Variants in ORAI2 observed in about 807,000 individuals in gnomAD.
The protein encoded by ORAI2 is protein orai-2.
ORAI2 carries 10 observed loss-of-function variants against 16.2 expected under a neutral mutation model. The ratio of observed to expected loss-of-function variants is 0.62; its 90% CI spans 0.38 to 1.04. The LOEUF is 1.04. Ranked by LOEUF, ORAI2 falls within the 50% of genes least tolerant of loss-of-function variation. The pLI is 0.01. For missense variants in ORAI2, 238 were observed against 355.5 expected, an observed-to-expected ratio of 0.67 and a Z score of 2.66; for synonymous variants, 150 against 157.5, an observed-to-expected ratio of 0.95 and a Z score of 0.35.
intron 3 of ORAI2, among the ~76,000 whole-genome samples, chr7:102,441,840 T>A (rs887350110): frequency 1.3e-5 from 2 of 151,978 alleles, no homozygotes; most frequent in Non-Finnish European, 2.9e-5. Context: ...CATAGCGCCA[T>A]CCGGTCAGAT....
At chr7:102,442,976 C>T (rs147751472) in intron 3 of ORAI2, among the ~76,000 whole-genome samples, 2,905 of 150,376 alleles carry the variant, frequency 0.019, 84 homozygotes, top group African/African-American at 0.066. Flanking sequence ...GCCGAGACAG[C>T]GCCACTGCAC....
chr7:102,438,063 G>A (rs557083247), intron 2 of ORAI2, among the ~76,000 whole-genome samples: 285 of 148,972 alleles, frequency 1.9e-3, no homozygotes, highest in African/African-American at 6.5e-3. Flanking sequence ...TTTAAAAAAA[G>A]TAGGCTGGAC....
chr7:102,442,153 C>T (rs1586711916), intron 3 of ORAI2, among the ~76,000 whole-genome samples: 1 of 152,142 alleles, frequency 6.6e-6, no homozygotes, highest in Non-Finnish European at 1.5e-5. Context: ...GGGTGGCTCA[C>T]GCCTGTAATC....
chr7:102,455,158 G>A lies in ORAI2; in HGVS notation c.*8106G>A, dbSNP rs891476437. The A allele has an allele frequency of 6.6e-6, 1 of 152,320 alleles. No homozygotes were observed. The highest frequency in any genetic ancestry group is 1.5e-5 in the Non-Finnish European group (1 of 68,194). 9.4% of individuals were successfully genotyped at this position (152,320 alleles called of 1,614,324 possible). Reference sequence around the variant, plus strand: ...GATTGCGCCACTGCACTCCAGCCTGGGCAACAGAGCAAGACCCTGCCCCGC... The same window carrying A: ...GATTGCGCCACTGCACTCCAGCCTGAGCAACAGAGCAAGACCCTGCCCCGC... On this transcript the variant is annotated 3_prime_UTR_variant, in exon 4 of 4. Coordinates refer to ENST00000495936, the MANE Select transcript of ORAI2 (RefSeq NM_001126340.3).
Position 102,447,013 on chromosome 7 carries a change from C to A in ORAI2, c.726C>A (p.Val242=). Residue 242 remains valine (V), a synonymous_variant, in exon 4 of 4, where the codon GTC becomes GTA. Transcript: ENST00000495936. The part of the protein sequence containing the change: ...REIEELHKLK[V]QLDGHERSLQ... The stretch of plus-strand genomic sequence containing the variant: ...TCGAGGAGCTCCACAAGCTCAAGGT[C>A]CAGCTGGACGGGCATGAGCGCAGCC... 6.4e-7 allele frequency: 1 copy of A among 1,570,182 alleles called. No homozygotes were observed. Among genetic ancestry groups the A allele is most frequent in the East Asian group, 2.4e-5 (1 of 42,278 alleles).
At chr7:102,440,294 C>G (rs972345431) in intron 3 of ORAI2, among the ~76,000 whole-genome samples, 1 of 152,086 alleles carries the variant, frequency 6.6e-6, no homozygotes, top group Non-Finnish European at 1.5e-5. Context: ...AATCTGGCCT[C>G]CAGGGTGACA....
At chr7:102,445,925 CCTTTCTTTT>C (rs1352625305) in intron 3 of ORAI2, among the ~76,000 whole-genome samples, 1 of 139,192 alleles carries the variant, frequency 7.2e-6, no homozygotes, top group African/African-American at 2.7e-5. Context: ...TTCTTTCTTT[CCTTTCTTTT>C]CTTTCTTTAA....
intron 3 of ORAI2, among the ~76,000 whole-genome samples, chr7:102,440,584 G>A (rs1045538090): frequency 1.3e-5 from 2 of 152,188 alleles, no homozygotes; most frequent in African/African-American, 4.8e-5. Context: ...CCAGGCTGGA[G>A]AGGGCGGTGG....
chr7:102,445,304 T>G (rs545346432), intron 3 of ORAI2, among the ~76,000 whole-genome samples: 8,935 of 151,968 alleles, frequency 0.059, 386 homozygotes, highest in Non-Finnish European at 0.089. Flanking sequence ...TTTGTTTTTT[T>G]TTTTTGTCAA....
Position 102,446,894 on chromosome 7 carries a change from A to T in ORAI2, c.607A>T (p.Ile203Phe). The T allele has an allele frequency of 6.2e-7, 1 of 1,613,438 alleles. No homozygotes were observed. Residue 203 changes from isoleucine (I) to phenylalanine (F), a missense_variant, in exon 4 of 4, where the codon ATC becomes TTC. Ile to Phe is a conservative substitution (Grantham distance 21). This residue lies in a region of ORAI2 where 176 missense variants were observed against 265.9 expected (regional missense o/e 0.66). Transcript: ENST00000495936. ...GWQAALVSTI[I>F]MVPVGLIFVV... ...GCAGGCCGCCCTGGTGTCCACCATC[A>T]TCATGGTGCCCGTGGGCCTCATCTT...
rs1320964964 is a variant in ORAI2, at chr7:102,450,665, T to C, written c.*3613T>C. 6.6e-6 allele frequency: 1 copy of C among 152,324 alleles called. No individual in the cohort carries two copies. Among genetic ancestry groups the C allele is most frequent in the Non-Finnish European group, 1.5e-5 (1 of 68,104 alleles). 9.4% of individuals were successfully genotyped at this position (152,324 alleles called of 1,614,324 possible). ...GGTTCTCGTTCTCCCAGCTCCAGCCTTTCTAGTTTCGAGGCATGAGGCAAA... is the reference window on the plus strand; with the variant it reads ...GGTTCTCGTTCTCCCAGCTCCAGCCCTTCTAGTTTCGAGGCATGAGGCAAA... On this transcript the variant is annotated 3_prime_UTR_variant, in exon 4 of 4. Coordinates refer to ENST00000495936, the MANE Select transcript of ORAI2 (RefSeq NM_001126340.3).
intron 3 of ORAI2, among the ~76,000 whole-genome samples, chr7:102,443,088 T>G (rs1797249576): frequency 1.3e-5 from 1 of 75,524 alleles, no homozygotes; most frequent in Non-Finnish European, 2.9e-5. Flanking sequence ...TTGCCTTCTC[T>G]TTTCTTCTTC....
intron 3 of ORAI2, among the ~76,000 whole-genome samples, chr7:102,445,018 G>A (rs1024346396): frequency 2.7e-5 from 2 of 75,140 alleles, no homozygotes; most frequent in Non-Finnish European, 2.3e-5. Context: ...TGGTTTGTTC[G>A]TTTTAGACTC....
In ORAI2 at chr7:102,455,196, A is replaced by G. The variant is rs1797615601; in HGVS notation, c.*8144A>G. 6.6e-6 allele frequency: 1 copy of G among 152,502 alleles called. No individual in the cohort carries two copies. Among genetic ancestry groups the G allele is most frequent in the Non-Finnish European group, 1.5e-5 (1 of 68,300 alleles). 9.4% of individuals were successfully genotyped at this position (152,502 alleles called of 1,614,324 possible). On this transcript the variant is annotated 3_prime_UTR_variant, in exon 4 of 4. Coordinates refer to ENST00000495936, the MANE Select transcript of ORAI2 (RefSeq NM_001126340.3). The stretch of plus-strand genomic sequence containing the variant: ...GACCCTGCCCCGCCGCCTGAAAGAA[A>G]GAAAAAAGAAAGAGAAAGGAAGAGA...
Position 102,446,896 on chromosome 7 carries a change from C to A in ORAI2, c.609C>A (p.Ile203=), listed in dbSNP as rs547526904. The change falls in exon 4 of 4, where the codon ATC becomes ATA. Residue 203 remains isoleucine (I), a synonymous_variant. Coordinates refer to ENST00000495936, the MANE Select transcript of ORAI2 (RefSeq NM_001126340.3). ...AGGCCGCCCTGGTGTCCACCATCAT[C>A]ATGGTGCCCGTGGGCCTCATCTTCG... ...GWQAALVSTI[I]MVPVGLIFVV... The A allele has an allele frequency of 2.5e-6, 4 of 1,613,428 alleles. No individual in the cohort carries two copies. The South Asian group carries it at 3.3e-5, about 13-fold the overall frequency.
At position 102,453,368 on chromosome 7, in the gene ORAI2, CCT is replaced by C. The variant is rs1797575309; in HGVS notation, c.*6317_*6318del. On this transcript the variant is annotated 3_prime_UTR_variant, in exon 4 of 4. Transcript: ENST00000495936. ...TCAAGTGATCCGCTGGCCTCAGCCT[CCT>C]AAAGTGCTGGATTACAGGCATGAGC... 1 of 152,234 alleles carries C rather than the reference CCT, an allele frequency of 6.6e-6. No individual in the cohort carries two copies. Among genetic ancestry groups the C allele is most frequent in the South Asian group, 2.1e-4 (1 of 4,834 alleles). The allele number at this position is 152,234 out of a possible 1,614,324, so 9.4% of individuals were successfully genotyped here. A position where few individuals can be genotyped will look rare whatever the true frequency, so the allele number is the denominator to read the frequency against.
intron 3 of ORAI2, among the ~76,000 whole-genome samples, chr7:102,444,349 T>G (rs2133230839): frequency 6.6e-6 from 1 of 151,586 alleles, no homozygotes; most frequent in East Asian, 2.0e-4. Flanking sequence ...GCCCGCCAGA[T>G]TCAAGCGATT....
intron 3 of ORAI2, among the ~76,000 whole-genome samples, chr7:102,444,356 G>T (rs909966249): frequency 4.6e-5 from 7 of 151,642 alleles, no homozygotes; most frequent in Non-Finnish European, 8.8e-5. Context: ...AGATTCAAGC[G>T]ATTCTCCTGC....
At chr7:102,442,873 C>T (rs866984287) in intron 3 of ORAI2, among the ~76,000 whole-genome samples, 1 of 129,026 alleles carries the variant, frequency 7.8e-6, no homozygotes, top group African/African-American at 3.3e-5. Context: ...AAAAAAAAAA[C>T]ATTAGCCGTG....
Sources: gnomAD v4.1 joint callset for allele counts (sites outside exome capture counted in the v4.1 genomes callset) on GRCh38, gnomAD v4.1.1 for gene constraint, gnomAD v4.1.1 regional missense constraint, MANE v1.5 for transcripts, NCBI Gene and HGNC (gene_info 2026-07-23, HGNC 2026-07-21) for gene names.